The following METAP1 variants were observed in gnomAD, a reference collection of about 807,000 sequenced individuals.
METAP1 encodes methionine aminopeptidase 1.
In METAP1, 28 loss-of-function variants were observed where a neutral mutation model predicts 53.8. The ratio of observed to expected loss-of-function variants is 0.52; its 90% CI spans 0.39 to 0.71. METAP1 has a LOEUF of 0.71. Among genes scored for constraint, METAP1 ranks in the 30% least tolerant of loss-of-function variants. The pLI is 0.00. For synonymous variants in METAP1, 181 were observed against 165.7 expected (o/e 1.09, Z -0.71); for missense variants, 389 against 479.8 (o/e 0.81, Z 1.77).
intron 2 of METAP1, among the ~76,000 whole-genome samples, chr4:99,032,471 G>A (rs1725114430): frequency 6.6e-6 from 1 of 152,092 alleles, no homozygotes; most frequent in Non-Finnish European, 1.5e-5. Flanking sequence ...AGCTCAAGCA[G>A]TCCACCTGCC....
At chr4:99,023,987 C>G (rs545493603) in intron 1 of METAP1, among the ~76,000 whole-genome samples, 24 of 152,236 alleles carry the variant, frequency 1.6e-4, no homozygotes, top group Non-Finnish European at 8.8e-5. Flanking sequence ...TGTCTTATGC[C>G]CAATTTCTGC....
In METAP1 at chr4:99,022,541, C is replaced by G. The variant is rs1006997312; in HGVS notation, c.115-6326C>G. 4 of 636,558 alleles carry G rather than the reference C, an allele frequency of 6.3e-6. No homozygotes were observed. In the African/African-American group the frequency reaches 7.3e-5, roughly 12 times the overall value. 39.4% of individuals were successfully genotyped at this position (636,558 alleles called of 1,614,324 possible). On this transcript the variant is annotated intron_variant, in intron 1 of 10. Coordinates refer to ENST00000296411, the MANE Select transcript of METAP1 (RefSeq NM_015143.3). ...GGGTGAGCAAGATCCCCATCAACAGCAAGAAAGCATTGTCCCCATTCCACA... is the reference window on the plus strand; with the variant it reads ...GGGTGAGCAAGATCCCCATCAACAGGAAGAAAGCATTGTCCCCATTCCACA...
At chr4:99,045,718 C>G (rs919467145) in intron 8 of METAP1, among the ~76,000 whole-genome samples, 5 of 151,926 alleles carry the variant, frequency 3.3e-5, no homozygotes, top group African/African-American at 9.7e-5. Context: ...CCTCTTATCT[C>G]TCTCTTCTCT....
At chr4:99,055,382 G>A (rs1727028917) in intron 9 of METAP1, among the ~76,000 whole-genome samples, 1 of 108,196 alleles carries the variant, frequency 9.2e-6, no homozygotes, top group African/African-American at 4.0e-5. Context: ...CAGAGCAAGA[G>A]TCCATCTCAA....
intron 1 of METAP1, among the ~76,000 whole-genome samples, chr4:99,006,979 A>G (rs1317677614): frequency 7.0e-6 from 1 of 141,894 alleles, no homozygotes; most frequent in Admixed American, 7.0e-5. Flanking sequence ...TTTTTTTTTG[A>G]GACGGTCTCA....
At chr4:99,048,041 C>G (rs1460623818) in intron 8 of METAP1, among the ~76,000 whole-genome samples, 1 of 152,134 alleles carries the variant, frequency 6.6e-6, no homozygotes, top group African/African-American at 2.4e-5. Flanking sequence ...TTTGGACGTT[C>G]CTTTTACTCC....
At chr4:99,052,062 A>G (rs750190381) in intron 9 of METAP1, among the ~76,000 whole-genome samples, 2 of 152,230 alleles carry the variant, frequency 1.3e-5, no homozygotes, top group Non-Finnish European at 2.9e-5. Context: ...GAATATCACA[A>G]TAAAGCAAGT....
intron 1 of METAP1, among the ~76,000 whole-genome samples, chr4:99,019,154 C>T (rs559583079): frequency 1.3e-5 from 2 of 152,266 alleles, no homozygotes; most frequent in African/African-American, 4.8e-5. Context: ...GGCCTTAAAC[C>T]TCTCTTCTTT....
intron 1 of METAP1, among the ~76,000 whole-genome samples, chr4:99,003,876 G>T (rs1406356880): frequency 1.3e-5 from 2 of 152,090 alleles, no homozygotes; most frequent in Non-Finnish European, 2.9e-5. Flanking sequence ...ACTGGATATA[G>T]TGTCAGATCC....
chr4:99,018,891 A>G (rs1294650397), intron 1 of METAP1, among the ~76,000 whole-genome samples: 1 of 152,082 alleles, frequency 6.6e-6, no homozygotes, highest in Non-Finnish European at 1.5e-5. Flanking sequence ...CTTTAAATGT[A>G]TTTGTATCAG....
At chr4:99,026,160 T>A (rs1724544457) in intron 1 of METAP1, 1 of 904,250 alleles carries the variant, frequency 1.1e-6, no homozygotes, top group Non-Finnish European at 1.3e-6. Context: ...AAATAAACTT[T>A]CTAAAGTGAC....
At chr4:99,033,618 C>G (rs1725215248) in intron 2 of METAP1, among the ~76,000 whole-genome samples, 1 of 152,182 alleles carries the variant, frequency 6.6e-6, no homozygotes, top group Admixed American at 6.5e-5. Flanking sequence ...ACAGACCGTT[C>G]CCTCCCTTGT....
intron 5 of METAP1, 61 bp downstream of exon 5, chr4:99,039,526 C>T (rs1725689930): frequency 2.1e-6 from 2 of 953,670 alleles, no homozygotes; most frequent in South Asian, 2.9e-5. Flanking sequence ...GACATGAAGT[C>T]AGTGGTTTGC....
At chr4:99,022,335 T>A in intron 1 of METAP1, 1 of 844,690 alleles carries the variant, frequency 1.2e-6, no homozygotes, top group Non-Finnish European at 1.7e-6. Context: ...CCAGGGAAGA[T>A]CCCTCCATGC....
chr4:99,045,143 TA>T lies in METAP1; in HGVS notation c.656-34del, dbSNP rs766913600. 61 of 1,593,794 alleles carry T rather than the reference TA, an allele frequency of 3.8e-5. No individual in the cohort carries two copies. In the South Asian group the frequency reaches 6.3e-4, roughly 16 times the overall value. ...AAACACTTGAATTTTGAAATGAAAA[TA>T]AGTATGGTCTTTATATTTGCACATT... On this transcript the variant is annotated intron_variant, in intron 7 of 10. Coordinates refer to ENST00000296411, the MANE Select transcript of METAP1 (RefSeq NM_015143.3).
chr4:99,010,307 A>G (rs1242401655), intron 1 of METAP1, among the ~76,000 whole-genome samples: 1 of 152,178 alleles, frequency 6.6e-6, no homozygotes, highest in Non-Finnish European at 1.5e-5. Flanking sequence ...TACAAAAATT[A>G]GCCAGGCGTG....
chr4:98,999,945 TTA>T (rs1038393148), intron 1 of METAP1, among the ~76,000 whole-genome samples: 2 of 152,318 alleles, frequency 1.3e-5, no homozygotes, highest in Admixed American at 1.3e-4. Flanking sequence ...ATTTAATAGT[TTA>T]TGTATGTCTT....
At chr4:99,035,565 C>A in intron 4 of METAP1, 105 bp downstream of exon 4, 1 of 789,732 alleles carries the variant, frequency 1.3e-6, no homozygotes, top group South Asian at 1.7e-5. Flanking sequence ...TGCTGGACTT[C>A]TAATAAATGT....
chr4:99,045,437 G>T, intron 8 of METAP1, 127 bp downstream of exon 8: 3 of 1,027,186 alleles, frequency 2.9e-6, no homozygotes, highest in Admixed American at 3.0e-5. Flanking sequence ...AGTTAGCTTT[G>T]GTTGTTAGCA....
Sources: allele counts gnomAD v4.1 joint callset (sites outside exome capture counted in the v4.1 genomes callset), GRCh38; gene constraint gnomAD v4.1.1; transcripts MANE v1.5; gene names NCBI Gene and HGNC (gene_info 2026-07-23, HGNC 2026-07-21).